Variants in PCDHGA5 observed in about 807,000 individuals in gnomAD.
The protein encoded by PCDHGA5 is protocadherin gamma subfamily A, 5.
PCDHGA5 carries 36 observed loss-of-function variants against 56.7 expected under a neutral mutation model. The observed-to-expected ratio is 0.64, with a 90% CI of 0.49 to 0.84. The LOEUF is 0.84. PCDHGA5 is among the 40% of genes least tolerant of loss of function. The pLI is 0.00. For missense variants in PCDHGA5, 1,305 were observed against 1,201.5 expected, an observed-to-expected ratio of 1.09 and a Z score of -1.27; for synonymous variants, 563 against 520.2, an observed-to-expected ratio of 1.08 and a Z score of -1.12.
Position 141,464,279 on chromosome 5 carries a change from CA to C in PCDHGA5, c.2422-30517del, listed in dbSNP as rs373828487. Among the ~76,000 whole-genome samples, 143 of 137,732 alleles carry C rather than the reference CA, an allele frequency of 1.0e-3. 2 individuals are homozygous for C. The Middle Eastern group carries it at 0.015, about 15-fold the overall frequency. 90.4% of individuals were successfully genotyped at this position (137,732 alleles called of 152,430 possible). A position where few individuals can be genotyped will look rare whatever the true frequency, so the allele number is the denominator to read the frequency against. The stretch of plus-strand genomic sequence containing the variant: ...GACTCCGTCTAAAAAAAAAAAAAAG[CA>C]AAAAAAAAAACTCCATTGTATGTGC... On this transcript the variant is annotated intron_variant, in intron 1 of 3. Transcript: ENST00000518069.
chr5:141,376,309 C>G, intron 1 of PCDHGA5: 1 of 1,614,148 alleles, frequency 6.2e-7, no homozygotes, highest in Non-Finnish European at 8.5e-7. Flanking sequence ...ACTTTGTGGG[C>G]GTGGAAGGGG....
chr5:141,475,116 C>G (rs1383017919), intron 1 of PCDHGA5, among the ~76,000 whole-genome samples: 2 of 152,128 alleles, frequency 1.3e-5, no homozygotes, highest in African/African-American at 4.8e-5. Context: ...GTAAATAGGC[C>G]TGGCTTTTTT....
At position 141,477,758 on chromosome 5, in the gene PCDHGA5, G is replaced by A; in HGVS notation, c.2422-17049G>A. 2 of 1,613,924 alleles carry A rather than the reference G, an allele frequency of 1.2e-6. No homozygotes were observed. The highest frequency in any genetic ancestry group is 1.7e-5 in the Admixed American group (1 of 60,022). On this transcript the variant is annotated intron_variant, in intron 1 of 3. Transcript: ENST00000518069. The surrounding 1 kb of genome is among the most constrained non-coding windows in gnomAD (Gnocchi z 4.9). ...CAGCGATGGGGGCACCCCGGTCCTA[G>A]CCACCAACATCAGCGTGAACATATT...
intron 1 of PCDHGA5, among the ~76,000 whole-genome samples, chr5:141,465,505 G>A (rs905617997): frequency 6.6e-6 from 1 of 152,190 alleles, no homozygotes; most frequent in Non-Finnish European, 1.5e-5. Flanking sequence ...CATTGTCGTG[G>A]TCAGGAAGGA....
chr5:141,460,614 G>A (rs10058360), intron 1 of PCDHGA5, among the ~76,000 whole-genome samples: 42,418 of 151,914 alleles, frequency 0.28, 6,648 homozygotes, highest in African/African-American at 0.43. Flanking sequence ...TAGATGGATA[G>A]ATAGACAGAT....
chr5:141,478,137 G>A (rs762316494), intron 1 of PCDHGA5: 13 of 1,613,872 alleles, frequency 8.1e-6, no homozygotes, highest in African/African-American at 8.0e-5. Context: ...CCTGAAGCCC[G>A]AGCCGAGTTC....
intron 1 of PCDHGA5, among the ~76,000 whole-genome samples, chr5:141,373,441 T>C (rs1232465888): frequency 2.0e-5 from 3 of 152,218 alleles, no homozygotes; most frequent in African/African-American, 7.2e-5. Flanking sequence ...GAGGATCCCT[T>C]GATCCCAGGA....
intron 1 of PCDHGA5, chr5:141,478,333 G>T: frequency 6.2e-7 from 1 of 1,613,928 alleles, no homozygotes; most frequent in Non-Finnish European, 8.5e-7. Context: ...GAACACCAGG[G>T]CCCTCCTTGC....
intron 1 of PCDHGA5, among the ~76,000 whole-genome samples, chr5:141,444,714 CTTGGTGCCT>C (rs2098445168): frequency 6.6e-6 from 1 of 152,122 alleles, no homozygotes; most frequent in Non-Finnish European, 1.5e-5. Context: ...GTTGAATTTG[CTTGGTGCCT>C]TTGTTGAAAG....
At chr5:141,478,020 A>G (rs1315422039) in intron 1 of PCDHGA5, 2 of 1,613,976 alleles carry the variant, frequency 1.2e-6, no homozygotes, top group Non-Finnish European at 1.7e-6. Flanking sequence ...CGTCCAGTCC[A>G]AGACACAGAT....
At chr5:141,498,089 A>G (rs1402239680) in intron 2 of PCDHGA5, among the ~76,000 whole-genome samples, 3 of 152,370 alleles carry the variant, frequency 2.0e-5, no homozygotes, top group South Asian at 2.1e-4. Context: ...GTAGAATTGT[A>G]TCTGGTGGTG....
chr5:141,372,572 C>T (rs1199574805), intron 1 of PCDHGA5: 4 of 1,614,056 alleles, frequency 2.5e-6, no homozygotes, highest in East Asian at 4.5e-5. Flanking sequence ...CTGAGGGCTA[C>T]TTTCAGCCTG....
chr5:141,376,635 T>C, intron 1 of PCDHGA5: 3 of 1,245,578 alleles, frequency 2.4e-6, no homozygotes, highest in Non-Finnish European at 3.3e-6. Flanking sequence ...AGATTCGTGA[T>C]TTTGTAAAGT....
intron 1 of PCDHGA5, chr5:141,392,937 G>A: frequency 6.2e-7 from 1 of 1,613,948 alleles, no homozygotes; most frequent in Admixed American, 1.7e-5. Context: ...GACGGACAAA[G>A]GCTCCTTCGT....
At chr5:141,451,812 C>T (rs974567828) in intron 1 of PCDHGA5, among the ~76,000 whole-genome samples, 1 of 149,686 alleles carries the variant, frequency 6.7e-6, no homozygotes, top group Non-Finnish European at 1.5e-5. Context: ...ACCCAGGAGG[C>T]GGAGGTTACA....
At chr5:141,425,448 C>G (rs897473729) in intron 1 of PCDHGA5, among the ~76,000 whole-genome samples, 1 of 152,164 alleles carries the variant, frequency 6.6e-6, no homozygotes, top group African/African-American at 2.4e-5. Flanking sequence ...AAATAAAACA[C>G]CATCACATTT....
At chr5:141,375,929 CT>C (rs1378296851) in intron 1 of PCDHGA5, 3 of 1,613,620 alleles carry the variant, frequency 1.9e-6, no homozygotes, top group Non-Finnish European at 1.7e-6. Context: ...CGAGCCAGGA[CT>C]TTTCTCAGTG....
rs370284141 is a variant in PCDHGA5, at chr5:141,421,654, G to A, written c.2421+54903G>A. On this transcript the variant is annotated intron_variant, in intron 1 of 3. Coordinates refer to ENST00000518069, the MANE Select transcript of PCDHGA5 (RefSeq NM_018918.3). ...CCAGGAGGACGAAGTGGAGATAAAA[G>A]TCAGTGAGCACGCAATTCCTGGGGC... The A allele has an allele frequency of 3.5e-5, 57 of 1,613,746 alleles. No individual in the cohort carries two copies. Among genetic ancestry groups the A allele is most frequent in the Admixed American group, 5.0e-5 (3 of 59,974 alleles).
chr5:141,382,728 C>T, intron 1 of PCDHGA5: 1 of 545,686 alleles, frequency 1.8e-6, no homozygotes. Context: ...AGTTTTACAG[C>T]ACAGAGAAAC....
Sources: gnomAD v4.1 joint callset for allele counts (sites outside exome capture counted in the v4.1 genomes callset) on GRCh38, gnomAD v4.1.1 for gene constraint, Gnocchi (gnomAD v3.1) non-coding constraint, MANE v1.5 for transcripts, NCBI Gene and HGNC (gene_info 2026-07-23, HGNC 2026-07-21) for gene names.